Variants in SPINK14 observed in about 807,000 individuals in gnomAD.
SPINK14 encodes the protein serine peptidase inhibitor Kazal type 14 (putative).
Under a neutral mutation model 14.2 loss-of-function variants are expected in SPINK14, and 6 were observed. That is an observed-to-expected ratio of 0.42 (90% confidence interval 0.23 to 0.83). The LOEUF (loss-of-function observed/expected upper bound fraction) is 0.83. SPINK14 is among the 40% of genes least tolerant of loss of function. SPINK14 has a pLI of 0.28. For missense variants in SPINK14, 86 were observed against 108.3 expected (o/e 0.79, Z 0.91); for synonymous variants, 34 against 36.8 (o/e 0.92, Z 0.27).
rs538160000 is a variant in SPINK14, at chr5:148,171,925, A to T, written c.111+952A>T. Among the ~76,000 whole-genome samples, 121 of 152,234 alleles carry T rather than the reference A, an allele frequency of 7.9e-4. 1 individual carries two copies. Among genetic ancestry groups the T allele is most frequent in the African/African-American group, 2.8e-3 (117 of 41,552 alleles). On this transcript the variant is annotated intron_variant, in intron 3 of 4. Transcript: ENST00000356972. ...GTCTGCCTCATGCCCATAAATCCAT[A>T]AACAATAATAAATGCGCTCACTTTT... is the stretch of plus-strand genomic sequence containing the variant.
Position 148,170,911 on chromosome 5 carries a change from A to G in SPINK14, c.68-19A>G, listed in dbSNP as rs1410589770. 2 of 1,605,846 alleles carry G rather than the reference A, an allele frequency of 1.2e-6. No individual in the cohort carries two copies. The highest frequency in any genetic ancestry group is 2.2e-5 in the East Asian group (1 of 44,798). On this transcript the variant is annotated intron_variant, in intron 2 of 4. Transcript: ENST00000356972. ...TTAACAGGAATTAAATTCTGTAACT[A>G]TTTTCATGTATTCTCTAGTTTCAGG... is the stretch of plus-strand genomic sequence containing the variant.
At chr5:148,171,821 A>G (rs1199608853) in intron 3 of SPINK14, among the ~76,000 whole-genome samples, 2 of 152,096 alleles carry the variant, frequency 1.3e-5, no homozygotes, top group African/African-American at 4.8e-5. Context: ...TATCTGCAGA[A>G]TTTGTCCAGG....
chr5:148,171,533 T>C (rs1481311978), intron 3 of SPINK14, among the ~76,000 whole-genome samples: 1 of 152,134 alleles, frequency 6.6e-6, no homozygotes. Flanking sequence ...GCACTGCATA[T>C]AATGTGAGGT....
intron 3 of SPINK14, among the ~76,000 whole-genome samples, chr5:148,172,722 A>G (rs531568563): frequency 1.3e-5 from 2 of 152,304 alleles, no homozygotes; most frequent in African/African-American, 2.4e-5. Flanking sequence ...TAGTTCTCAG[A>G]AAGTGGGTTA....
At chr5:148,172,079 T>C (rs1478132429) in intron 3 of SPINK14, among the ~76,000 whole-genome samples, 1 of 152,170 alleles carries the variant, frequency 6.6e-6, no homozygotes, top group African/African-American at 2.4e-5. Context: ...AAACCAACTA[T>C]GATTTATGGT....
At chr5:148,171,024 T>A in intron 3 of SPINK14, 51 bp downstream of exon 3, 1 of 1,410,250 alleles carries the variant, frequency 7.1e-7, no homozygotes, top group Non-Finnish European at 9.8e-7. Flanking sequence ...ATATGAGTTC[T>A]TTTTTTTTGG....
At chr5:148,171,084 C>T in intron 3 of SPINK14, 111 bp downstream of exon 3, 1 of 987,300 alleles carries the variant, frequency 1.0e-6, no homozygotes, top group Non-Finnish European at 1.6e-6. Context: ...TAATAGTCTT[C>T]AAGGCCTATT....
Position 148,169,760 on chromosome 5 carries a change from CT to C in SPINK14, c.32del (p.Leu11CysfsTer5). 6.2e-7 allele frequency: 1 copy of C among 1,606,688 alleles called. No individual in the cohort carries two copies. The highest frequency in any genetic ancestry group is 1.1e-5 in the South Asian group (1 of 90,294). ...GGCCAAATCTTTCCCAGTATTCTCA[CT>C]TTTGTCCTTTATCTTGATACATTTG... Reference protein sequence around the residue: MAKSFPVFSLLSFILIHLVL... With the variant: MAKSFPVFSXLSFILIHLVL... On this transcript the variant is annotated frameshift_variant, in exon 2 of 5. Transcript: ENST00000356972. LOFTEE classifies it high-confidence loss of function.
chr5:148,169,779 T>C lies in SPINK14; in HGVS notation c.47T>C (p.Ile16Thr). The C allele has an allele frequency of 1.9e-6, 3 of 1,611,654 alleles. No individual in the cohort carries two copies. The highest frequency in any genetic ancestry group is 2.5e-6 in the Non-Finnish European group (3 of 1,178,708). The stretch of plus-strand genomic sequence containing the variant: ...TTCTCACTTTTGTCCTTTATCTTGA[T>C]ACATTTGGTGTTATCTTCTGGTGAG... ...PVFSLLSFIL[I>T]HLVLSSVSGP... Residue 16 changes from isoleucine (I) to threonine (T), a missense_variant, in exon 2 of 5, where the codon ATA (isoleucine) becomes ACA (threonine). Physicochemically the swap from Ile to Thr is moderately conservative, Grantham distance 89 (BLOSUM62 -1). Transcript: ENST00000356972.
At chr5:148,172,946 T>C (rs1173226556) in intron 3 of SPINK14, among the ~76,000 whole-genome samples, 1 of 152,134 alleles carries the variant, frequency 6.6e-6, no homozygotes, top group Non-Finnish European at 1.5e-5. Context: ...TAGGGACTTT[T>C]AGCCCATATT....
At chr5:148,171,054 T>A in intron 3 of SPINK14, 81 bp downstream of exon 3, 1 of 1,358,942 alleles carries the variant, frequency 7.4e-7, no homozygotes, top group South Asian at 1.2e-5. Flanking sequence ...TGTGGAAACT[T>A]AATGCCTCAA....
intron 3 of SPINK14, among the ~76,000 whole-genome samples, chr5:148,172,491 T>G (rs911175667): frequency 2.6e-5 from 4 of 152,188 alleles, no homozygotes; most frequent in Non-Finnish European, 5.9e-5. Flanking sequence ...CTATTTTATA[T>G]CTCATTTATT....
chr5:148,169,748 C>G lies in SPINK14; in HGVS notation c.16C>G (p.Pro6Ala). MAKSFPVFSLLSFILI... is the reference protein window; with the variant it reads MAKSFAVFSLLSFILI... ...AGGAGGAAAAATGGCCAAATCTTTC[C>G]CAGTATTCTCACTTTTGTCCTTTAT... is the stretch of plus-strand genomic sequence containing the variant. Residue 6 changes from proline to alanine, a missense_variant, in exon 2 of 5, where the codon CCA (proline) becomes GCA (alanine). Transcript: ENST00000356972. The G allele has an allele frequency of 6.2e-7, 1 of 1,605,576 alleles. No homozygotes were observed. The highest frequency in any genetic ancestry group is 8.5e-7 in the Non-Finnish European group (1 of 1,175,784).
At chr5:148,169,599 GT>G (rs1359734652) in intron 1 of SPINK14, 61 bp from the exon 2 acceptor site, 1 of 613,002 alleles carries the variant, frequency 1.6e-6, no homozygotes, top group Non-Finnish European at 2.9e-6. Context: ...GATACAATGG[GT>G]GGAGTAGAGA....
intron 3 of SPINK14, 142 bp from the exon 4 acceptor site, chr5:148,174,092 C>T (rs1755139822): frequency 2.2e-6 from 1 of 453,492 alleles, no homozygotes; most frequent in South Asian, 2.4e-5. Flanking sequence ...AATCCTCCCA[C>T]CTCAGCCTCC....
chr5:148,169,372 T>G (rs2113278593), intron 1 of SPINK14, among the ~76,000 whole-genome samples: 1 of 152,242 alleles, frequency 6.6e-6, no homozygotes, highest in East Asian at 1.9e-4. Context: ...TAGGTGAAGC[T>G]TCAGGTAAGG....
At position 148,173,917 on chromosome 5, in the gene SPINK14, C is replaced by T. The variant is rs1755138384; in HGVS notation, c.112-317C>T. On this transcript the variant is annotated intron_variant, in intron 3 of 4. Transcript: ENST00000356972. ...TGTTGCCTAGGCTGGAGTGGAATGG[C>T]ACCATCATTGCTCACTGCAGTCAAG... is the stretch of plus-strand genomic sequence containing the variant. Among the ~76,000 whole-genome samples the T allele has an allele frequency of 2.5e-5, 2 of 79,794 alleles. 1 individual carries two copies. The highest frequency in any genetic ancestry group is 2.4e-4 in the Admixed American group (2 of 8,398). The allele number at this position is 79,794 out of a possible 152,430, so 52.3% of individuals were successfully genotyped here.
rs1755153048 is a variant in SPINK14 at position 148,175,313 on chromosome 5, G to A, written c.249-40G>A. The A allele has an allele frequency of 2.4e-6, 3 of 1,264,328 alleles. No individual in the cohort carries two copies. The African/African-American group carries it at 4.4e-5, about 19-fold the overall frequency. 78.3% of individuals were successfully genotyped at this position (1,264,328 alleles called of 1,614,324 possible). On this transcript the variant is annotated intron_variant, in intron 4 of 4. Coordinates refer to ENST00000356972, the MANE Select transcript of SPINK14 (RefSeq NM_001001325.2). The stretch of plus-strand genomic sequence containing the variant: ...AAAGTATTTGTTTAGTTCTGACATT[G>A]TATTACTAAATGAAATGTTTATTCT...
chr5:148,175,618 T>C lies in SPINK14; in HGVS notation c.*220T>C, dbSNP rs964507952. ...CCTAATAAATACACTTTTATGAAAGTCTGATTTGACTTGGGTCTCAGATCT... is the reference window on the plus strand; with the variant it reads ...CCTAATAAATACACTTTTATGAAAGCCTGATTTGACTTGGGTCTCAGATCT... On this transcript the variant is annotated 3_prime_UTR_variant, in exon 5 of 5. Coordinates refer to ENST00000356972, the MANE Select transcript of SPINK14 (RefSeq NM_001001325.2). 2.6e-5 allele frequency among the ~76,000 whole-genome samples: 4 copies of C among 152,028 alleles called. No homozygotes were observed. The highest frequency in any genetic ancestry group is 4.4e-5 in the Non-Finnish European group (3 of 67,984).
Sources: gnomAD v4.1 joint callset for allele counts (sites outside exome capture counted in the v4.1 genomes callset) on GRCh38, gnomAD v4.1.1 for gene constraint, MANE v1.5 for transcripts, NCBI Gene and HGNC (gene_info 2026-07-23, HGNC 2026-07-21) for gene names.